KAZN: variants seen among roughly 807,000 people sequenced by gnomAD.
KAZN encodes the protein kazrin, periplakin interacting protein, also known as kazrin.
In KAZN, 40 loss-of-function variants were observed where a neutral mutation model predicts 87.4. That is an observed-to-expected ratio of 0.46 (90% CI 0.36 to 0.60). KAZN has a LOEUF of 0.60. KAZN is among the 20% of genes least tolerant of loss of function. KAZN has a pLI of 0.00. For synonymous variants in KAZN, 466 were observed against 458.3 expected (o/e 1.02, Z -0.22); for missense variants, 898 against 1,073.9 (o/e 0.84, Z 2.29).
At chr1:14,389,484 A>AC (rs34075641) in intron 2 of KAZN, among the ~76,000 whole-genome samples, 49,126 of 151,914 alleles carry the variant, frequency 0.32, 8,901 homozygotes, top group East Asian at 0.72. Context: ...GATAAAAAAA[A>AC]ATGTTACACA....
intron 1 of KAZN, among the ~76,000 whole-genome samples, chr1:14,730,375 C>A (rs1286967543): frequency 6.6e-6 from 1 of 152,194 alleles, no homozygotes; most frequent in East Asian, 1.9e-4. Context: ...AGCCACCGTG[C>A]CCGGCCTAAA....
chr1:14,942,312 G>A (rs541764373), intron 1 of KAZN, among the ~76,000 whole-genome samples: 126 of 152,254 alleles, frequency 8.3e-4, no homozygotes, highest in African/African-American at 2.9e-3. Flanking sequence ...GTCCCCAGAC[G>A]TTCCAGGGAT....
intron 1 of KAZN, among the ~76,000 whole-genome samples, chr1:14,659,885 A>AG: frequency 6.6e-6 from 1 of 152,212 alleles, no homozygotes; most frequent in South Asian, 2.1e-4. Context: ...ATTCTTTAAA[A>AG]AAAAAAAAAG....
rs139317846 is a variant in KAZN at position 13,893,446 on chromosome 1, T to C, written c.-220T>C. ...GCTGTGCAAGATTTGCCAAGGCTTA[T>C]AGGGTTTCATTTTTTACTTGACTGG... is the stretch of plus-strand genomic sequence containing the variant. On this transcript the variant is annotated 5_prime_UTR_variant, in exon 1 of 17. Transcript: ENST00000636203. 7.0e-4 allele frequency: 474 copies of C among 673,698 alleles called. 2 individuals are homozygous for C. In the African/African-American group the frequency reaches 7.4e-3, roughly 11 times the overall value. 41.7% of individuals were successfully genotyped at this position (673,698 alleles called of 1,614,324 possible). A position where few individuals can be genotyped will look rare whatever the true frequency, so the allele number is the denominator to read the frequency against.
rs1491242774 is a variant in KAZN, at chr1:14,883,317, A to AG, written c.227-77367_227-77366insG. Among the ~76,000 whole-genome samples, 95 of 43,146 alleles carry AG rather than the reference A, an allele frequency of 2.2e-3. 6 individuals carry two copies. Among genetic ancestry groups the AG allele is most frequent in the Admixed American group, 0.013 (41 of 3,184 alleles). The allele number at this position is 43,146 out of a possible 152,430, so 28.3% of individuals were successfully genotyped here. A position where few individuals can be genotyped will look rare whatever the true frequency, so the allele number is the denominator to read the frequency against. ...TCTCAAAAGAAAGAAAGAAAGAAAGAAAGAGAGAGAGAGAGAGAGAGAGAG... is the reference window on the plus strand; with the variant it reads ...TCTCAAAAGAAAGAAAGAAAGAAAGAGAAGAGAGAGAGAGAGAGAGAGAGAG... On this transcript the variant is annotated intron_variant, in intron 1 of 14. Coordinates refer to ENST00000376030, the MANE Select transcript of KAZN (RefSeq NM_201628.3).
intron 2 of KAZN, among the ~76,000 whole-genome samples, chr1:14,583,007 T>C (rs1425301548): frequency 6.6e-6 from 1 of 152,062 alleles, no homozygotes; most frequent in Non-Finnish European, 1.5e-5. Flanking sequence ...AGCAGAGAGG[T>C]GAACATTTAC....
chr1:14,445,376 G>A (rs767968047), intron 2 of KAZN, among the ~76,000 whole-genome samples: 64 of 152,206 alleles, frequency 4.2e-4, no homozygotes, highest in African/African-American at 1.5e-3. Flanking sequence ...ACATATGCTC[G>A]GGGAGATCAG....
chr1:13,945,499 G>T (rs1641104717), intron 1 of KAZN, among the ~76,000 whole-genome samples: 1 of 148,216 alleles, frequency 6.7e-6, no homozygotes, highest in Non-Finnish European at 1.5e-5. Context: ...AATTAGAATT[G>T]ATCAGGAATG....
At chr1:14,121,316 C>A (rs903386897) in intron 1 of KAZN, among the ~76,000 whole-genome samples, 6 of 152,158 alleles carry the variant, frequency 3.9e-5, no homozygotes, top group Non-Finnish European at 7.3e-5. Context: ...GTGAATGAAG[C>A]CTGATATTCT....
chr1:14,176,424 C>CAGCTGCCAG (rs1414398769), intron 1 of KAZN, among the ~76,000 whole-genome samples: 1 of 151,598 alleles, frequency 6.6e-6, no homozygotes, highest in Non-Finnish European at 1.5e-5. Flanking sequence ...ACCCCAATAT[C>CAGCTGCCAG]AGCTGCCACA....
intron 1 of KAZN, among the ~76,000 whole-genome samples, chr1:14,142,156 T>G (rs1333468877): frequency 6.6e-6 from 1 of 151,206 alleles, no homozygotes; most frequent in Non-Finnish European, 1.5e-5. Flanking sequence ...GGAGGTAGGT[T>G]TACAGGCTGA....
chr1:14,077,775 T>C (rs958122568), intron 1 of KAZN, among the ~76,000 whole-genome samples: 1 of 151,350 alleles, frequency 6.6e-6, no homozygotes. Context: ...GTCACTGGGG[T>C]GGGGGGATAT....
At chr1:14,919,434 C>T (rs1041013943) in intron 1 of KAZN, among the ~76,000 whole-genome samples, 1 of 152,236 alleles carries the variant, frequency 6.6e-6, no homozygotes, top group Non-Finnish European at 1.5e-5. Context: ...GCCTTGGCCT[C>T]CCGAAGTGCT....
chr1:14,624,633 A>G (rs950554802), intron 1 of KAZN, among the ~76,000 whole-genome samples: 1 of 152,134 alleles, frequency 6.6e-6, no homozygotes, highest in African/African-American at 2.4e-5. Flanking sequence ...GCCACCATGC[A>G]TGGCCCACAC....
chr1:14,243,075 GGGCC>G lies in KAZN; in HGVS notation c.249+62484_249+62487del, dbSNP rs1196123939. Reference sequence around the variant, plus strand: ...AAAGCCCTTCAATCACATCTCCCATGGGCCACCCACCACATCACTCAAGAAACGT... The same window carrying G: ...AAAGCCCTTCAATCACATCTCCCATGACCCACCACATCACTCAAGAAACGT... On this transcript the variant is annotated intron_variant, in intron 2 of 16. Coordinates refer to the KAZN transcript ENST00000636203. Among the ~76,000 whole-genome samples, 11 of 152,228 alleles carry G rather than the reference GGGCC, an allele frequency of 7.2e-5. No homozygotes were observed. The East Asian group carries it at 2.1e-3, about 29-fold the overall frequency.
At chr1:14,168,418 T>A (rs901939176) in intron 1 of KAZN, among the ~76,000 whole-genome samples, 11 of 151,954 alleles carry the variant, frequency 7.2e-5, no homozygotes, top group Admixed American at 2.6e-4. Context: ...AGACGCTGAA[T>A]GTGAAAGCGT....
intron 1 of KAZN, among the ~76,000 whole-genome samples, chr1:14,883,430 G>A (rs761518430): frequency 5.7e-5 from 7 of 122,322 alleles, no homozygotes; most frequent in Admixed American, 3.1e-4. Context: ...AAAGAAAAGC[G>A]GTTCTTGAGC....
intron 2 of KAZN, among the ~76,000 whole-genome samples, chr1:14,503,051 G>A (rs1670349735): frequency 1.3e-5 from 2 of 152,158 alleles, no homozygotes; most frequent in South Asian, 2.1e-4. Flanking sequence ...GCAGGCTCAG[G>A]GGTCCTGGGG....
At position 14,838,029 on chromosome 1, in the gene KAZN, T is replaced by C. The variant is rs1431809292; in HGVS notation, c.227-122655T>C. Among the ~76,000 whole-genome samples, 3 of 150,842 alleles carry C rather than the reference T, an allele frequency of 2.0e-5. No homozygotes were observed. In the Admixed American group the frequency reaches 2.0e-4, roughly 10 times the overall value. On this transcript the variant is annotated intron_variant, in intron 1 of 14. Transcript: ENST00000376030. ...ATAAAGAAGAACAGGAACTTATTTC[T>C]GACAGTTCTGGAGGCTGGGAAGTCC...
Sources: gnomAD v4.1 joint callset for allele counts (sites outside exome capture counted in the v4.1 genomes callset) on GRCh38, gnomAD v4.1.1 for gene constraint, MANE v1.5 for transcripts, NCBI Gene and HGNC (gene_info 2026-07-23, HGNC 2026-07-21) for gene names.